DPP6: variants seen among roughly 807,000 people sequenced by gnomAD.
DPP6 encodes A-type potassium channel modulatory protein DPP6.
In DPP6, 69 loss-of-function variants were observed where a neutral mutation model predicts 122.6. The ratio of observed to expected loss-of-function variants is 0.56; its 90% CI spans 0.46 to 0.69. DPP6 has a LOEUF of 0.69. Ranked by LOEUF, DPP6 falls within the 30% of genes least tolerant of loss-of-function variation. The probability of loss-of-function intolerance (pLI) is 0.00; values close to 1 mark genes in which losing one functional copy is unlikely to be tolerated. For missense variants in DPP6, 928 were observed against 1,116.9 expected (o/e 0.83, Z 2.41); for synonymous variants, 418 against 433.1 (o/e 0.97, Z 0.43).
At chr7:154,766,616 A>C (rs1795915353) in intron 8 of DPP6, among the ~76,000 whole-genome samples, 1 of 152,158 alleles carries the variant, frequency 6.6e-6, no homozygotes. Context: ...TAACCGTTAC[A>C]TTTGGTAACC....
At chr7:154,583,113 A>G (rs1379327334) in intron 5 of DPP6, among the ~76,000 whole-genome samples, 2 of 152,106 alleles carry the variant, frequency 1.3e-5, no homozygotes, top group Non-Finnish European at 2.9e-5. Flanking sequence ...CACCCATCTT[A>G]CCAGCAGTCT....
At chr7:154,553,714 G>A (rs1466106157) in intron 4 of DPP6, among the ~76,000 whole-genome samples, 3 of 152,056 alleles carry the variant, frequency 2.0e-5, no homozygotes, top group South Asian at 2.1e-4. Context: ...TGTAGCCTTG[G>A]TCGCTGCAGT....
At chr7:154,850,468 C>A (rs1802282088) in intron 16 of DPP6, among the ~76,000 whole-genome samples, 1 of 152,112 alleles carries the variant, frequency 6.6e-6, no homozygotes, top group Non-Finnish European at 1.5e-5. Context: ...AGGCTGGCCT[C>A]ATAAAATGAG....
chr7:154,415,572 C>A (rs540255318), intron 1 of DPP6, among the ~76,000 whole-genome samples: 1 of 151,826 alleles, frequency 6.6e-6, no homozygotes, highest in Non-Finnish European at 1.5e-5. Context: ...TTTAAAGGTG[C>A]CTGTGGGTCC....
At chr7:153,834,951 G>C in the DPP6 span, among the ~76,000 whole-genome samples, 3 of 152,182 alleles carry the variant, frequency 2.0e-5, no homozygotes, top group Admixed American at 6.5e-5. Context: ...ACAGTGCAAG[G>C]CTCCTCTTGA....
At chr7:154,174,901 G>C (rs1797719696) in intron 1 of DPP6, among the ~76,000 whole-genome samples, 1 of 147,032 alleles carries the variant, frequency 6.8e-6, no homozygotes, top group African/African-American at 2.5e-5. Context: ...TTTTGAGATG[G>C]AGTCTCACTC....
rs928705135 is a variant in DPP6, at chr7:154,483,401, T to A, written c.457+8364T>A. Among the ~76,000 whole-genome samples, 2 of 151,248 alleles carry A rather than the reference T, an allele frequency of 1.3e-5. No individual in the cohort carries two copies. The highest frequency in any genetic ancestry group is 6.6e-5 in the Admixed American group (1 of 15,202). ...AGGCACAATACAATTTTTTTTTTTT[T>A]AAAAGCATTTATTTGAGCAAACAGT... On this transcript the variant is annotated intron_variant, in intron 3 of 25. Coordinates refer to ENST00000377770, the MANE Select transcript of DPP6 (RefSeq NM_130797.4). The surrounding 1 kb of genome is among the most constrained non-coding windows in gnomAD (Gnocchi z 8.1).
chr7:154,059,942 A>T (rs1310174958), intron 1 of DPP6, among the ~76,000 whole-genome samples: 1 of 151,914 alleles, frequency 6.6e-6, no homozygotes, highest in Non-Finnish European at 1.5e-5. Context: ...CCTGAACATA[A>T]AGGGCCCCCA....
At chr7:154,586,674 G>A (rs1832473480) in intron 5 of DPP6, among the ~76,000 whole-genome samples, 1 of 152,198 alleles carries the variant, frequency 6.6e-6, no homozygotes, top group South Asian at 2.1e-4. Context: ...ATTTGTCTAA[G>A]CGTCTGCCCA....
rs554208492 is a variant in DPP6 at position 154,760,938 on chromosome 7, G to A, written c.884-8479G>A. On this transcript the variant is annotated intron_variant, in intron 8 of 25. Coordinates refer to ENST00000377770, the MANE Select transcript of DPP6 (RefSeq NM_130797.4). This position sits in a 1 kb window ranked among gnomAD's most constrained non-coding sequence, Gnocchi z 4.5. ...CAACCTCCGCTTCCCTGGTTCAAGC[G>A]ATTCTCCTGCCTCAGCCTCCCGGAT... 1.7e-4 allele frequency among the ~76,000 whole-genome samples: 26 copies of A among 151,600 alleles called. No individual in the cohort carries two copies. Among genetic ancestry groups the A allele is most frequent in the Admixed American group, 3.9e-4 (6 of 15,212 alleles).
chr7:154,016,752 C>A (rs944508656), intron 1 of DPP6, among the ~76,000 whole-genome samples: 17 of 152,168 alleles, frequency 1.1e-4, no homozygotes, highest in Non-Finnish European at 1.8e-4. Context: ...ACTGGCTGTA[C>A]TAATTTAATT....
chr7:153,758,141 G>A, the DPP6 span, among the ~76,000 whole-genome samples: 55 of 152,148 alleles, frequency 3.6e-4, no homozygotes, highest in Middle Eastern at 3.4e-3. Context: ...TTTAGGGAAA[G>A]GGTGCCTTAT....
chr7:154,051,229 G>A (rs571310528), upstream of DPP6, among the ~76,000 whole-genome samples: 1 of 120,300 alleles, frequency 8.3e-6, no homozygotes, highest in Non-Finnish European at 1.8e-5. Flanking sequence ...GGAAGGAGGC[G>A]GCGGAATGGG....
chr7:154,300,036 G>A (rs1350772687), intron 1 of DPP6, among the ~76,000 whole-genome samples: 2 of 152,222 alleles, frequency 1.3e-5, no homozygotes, highest in African/African-American at 4.8e-5. Context: ...AGTTGCACCT[G>A]CACAGGACTG....
At chr7:154,086,164 A>G (rs978937432) in intron 1 of DPP6, among the ~76,000 whole-genome samples, 4 of 152,242 alleles carry the variant, frequency 2.6e-5, no homozygotes, top group African/African-American at 9.6e-5. Flanking sequence ...AATCCAATGG[A>G]TCTGAGTCAG....
rs542694992 is a variant in DPP6 at position 154,759,704 on chromosome 7, A to G, written c.884-9713A>G. On this transcript the variant is annotated intron_variant, in intron 8 of 25. Coordinates refer to ENST00000377770, the MANE Select transcript of DPP6 (RefSeq NM_130797.4). ...AGAAGACATCCATTCTGTTCCTCCAATTCCCTGTAAGGCCCCTCTCTGTGT... is the reference window on the plus strand; with the variant it reads ...AGAAGACATCCATTCTGTTCCTCCAGTTCCCTGTAAGGCCCCTCTCTGTGT... 1.9e-4 allele frequency among the ~76,000 whole-genome samples: 29 copies of G among 152,300 alleles called. 1 individual carries two copies. Among genetic ancestry groups the G allele is most frequent in the Admixed American group, 1.0e-3 (16 of 15,288 alleles).
At chr7:154,732,081 C>T (rs997953853) in intron 8 of DPP6, among the ~76,000 whole-genome samples, 12 of 151,882 alleles carry the variant, frequency 7.9e-5, no homozygotes, top group Non-Finnish European at 1.3e-4. Flanking sequence ...CTTTGTCACC[C>T]AGGCTGGAGT....
At chr7:154,551,372 T>A (rs1421339321) in intron 4 of DPP6, among the ~76,000 whole-genome samples, 1 of 152,156 alleles carries the variant, frequency 6.6e-6, no homozygotes, top group Non-Finnish European at 1.5e-5. Context: ...AAAAGCAAAA[T>A]TTTTGTGCTA....
chr7:154,061,928 C>CCATCATTGATCCTAAG (rs1802007863), intron 1 of DPP6, among the ~76,000 whole-genome samples: 1 of 132,772 alleles, frequency 7.5e-6, no homozygotes, highest in Admixed American at 7.6e-5. Flanking sequence ...TGAGGACCCC[C>CCATCATTGATCCTAAG]ATCGCAGGAG....
Sources: allele counts gnomAD v4.1 joint callset (sites outside exome capture counted in the v4.1 genomes callset), GRCh38; gene constraint gnomAD v4.1.1; non-coding constraint Gnocchi (gnomAD v3.1); transcripts MANE v1.5; gene names NCBI Gene and HGNC (gene_info 2026-07-23, HGNC 2026-07-21).